Variants in RAB3GAP2 observed in about 807,000 individuals in gnomAD.
RAB3GAP2 encodes the protein rab3 GTPase-activating protein non-catalytic subunit.
In RAB3GAP2, 87 loss-of-function variants were observed where a neutral mutation model predicts 185.3. That is an observed-to-expected ratio of 0.47 (90% CI 0.39 to 0.56). The LOEUF (loss-of-function observed/expected upper bound fraction) is 0.56, where lower values mean the gene tolerates loss of function less well. Ranked by LOEUF, RAB3GAP2 falls within the 20% of genes least tolerant of loss-of-function variation. The pLI is 0.00. For missense variants in RAB3GAP2, 1,492 were observed against 1,638.2 expected (o/e 0.91, Z 1.54); for synonymous variants, 554 against 576.1 (o/e 0.96, Z 0.55).
At chr1:220,215,604 G>A (rs533879404) in intron 2 of RAB3GAP2, among the ~76,000 whole-genome samples, 4 of 152,002 alleles carry the variant, frequency 2.6e-5, no homozygotes, top group African/African-American at 9.6e-5. Context: ...TAATTGCTTT[G>A]TATACACTCT....
chr1:220,156,637 T>C (rs1479502463), intron 31 of RAB3GAP2, among the ~76,000 whole-genome samples: 2 of 152,158 alleles, frequency 1.3e-5, no homozygotes, highest in Admixed American at 1.3e-4. Flanking sequence ...AGGGCTGTTG[T>C]AATAGCCGAG....
At chr1:220,246,663 C>T (rs1187477311) in intron 1 of RAB3GAP2, among the ~76,000 whole-genome samples, 8 of 123,314 alleles carry the variant, frequency 6.5e-5, no homozygotes, top group African/African-American at 1.9e-4. Context: ...AGTAAACTAT[C>T]GCAAGAACAA....
At chr1:220,177,799 G>T (rs1238384582) in intron 21 of RAB3GAP2, among the ~76,000 whole-genome samples, 1 of 152,124 alleles carries the variant, frequency 6.6e-6, no homozygotes, top group Non-Finnish European at 1.5e-5. Flanking sequence ...AATGAACAAG[G>T]TCTATAGGAT....
At chr1:220,155,419 A>G (rs1204986416) in intron 31 of RAB3GAP2, among the ~76,000 whole-genome samples, 1 of 152,248 alleles carries the variant, frequency 6.6e-6, no homozygotes, top group Non-Finnish European at 1.5e-5. Context: ...AGGGCAACCC[A>G]TGACATTTTG....
chr1:220,211,069 T>G (rs1264364461), intron 4 of RAB3GAP2, 67 bp from the exon 5 acceptor site: 2 of 1,459,210 alleles, frequency 1.4e-6, no homozygotes, highest in Non-Finnish European at 1.9e-6. Flanking sequence ...TTCTCTATAA[T>G]TGGATGTTAA....
At position 220,246,111 on chromosome 1, in the gene RAB3GAP2, C is replaced by T. The variant is rs374089336; in HGVS notation, c.116-13248G>A. Among the ~76,000 whole-genome samples, 160 of 152,158 alleles carry T rather than the reference C, an allele frequency of 1.1e-3. No individual in the cohort carries two copies. In the East Asian group the frequency reaches 0.02, roughly 19 times the overall value. On this transcript the variant is annotated intron_variant, in intron 1 of 34. Coordinates refer to ENST00000358951, the MANE Select transcript of RAB3GAP2 (RefSeq NM_012414.4). ...ACAAACAACCCCATCAAAAAGTGGG[C>T]GAAGGACATGAACAGACACTTCTCA...
At chr1:220,185,397 A>T (rs1274767293) in intron 18 of RAB3GAP2, among the ~76,000 whole-genome samples, 1 of 152,176 alleles carries the variant, frequency 6.6e-6, no homozygotes, top group Admixed American at 6.6e-5. Context: ...ATAACCACTT[A>T]TCATTCTATC....
At chr1:220,218,212 T>A (rs943103858) in intron 2 of RAB3GAP2, among the ~76,000 whole-genome samples, 13 of 152,174 alleles carry the variant, frequency 8.5e-5, no homozygotes, top group Non-Finnish European at 1.9e-4. Context: ...AAATCTTCCA[T>A]CATTCTTTAC....
In RAB3GAP2 at chr1:220,149,149, G is replaced by T. The variant is rs149913096; in HGVS notation, c.*2102C>A. ...TATTTGCCTTTCTTCCTATCAATCA[G>T]ATTTATTTATTTTAAAAGCCCTTGA... On this transcript the variant is annotated 3_prime_UTR_variant, in exon 35 of 35. Transcript: ENST00000358951. The T allele has an allele frequency of 1.5e-3, 225 of 152,092 alleles. 2 individuals carry two copies. The highest frequency in any genetic ancestry group is 5.3e-3 in the African/African-American group (221 of 41,464). The allele number at this position is 152,092 out of a possible 1,614,324, so 9.4% of individuals were successfully genotyped here.
chr1:220,148,580 A>G lies in RAB3GAP2; in HGVS notation c.*2671T>C, dbSNP rs1657668624. ...TATTTGTTCCTTATAAATGAAGTGG[A>G]CCACAGCAACTTCTAAATGAACATT... On this transcript the variant is annotated 3_prime_UTR_variant, in exon 35 of 35. Transcript: ENST00000358951. 1.3e-5 allele frequency: 2 copies of G among 152,172 alleles called. No homozygotes were observed. The highest frequency in any genetic ancestry group is 2.9e-5 in the Non-Finnish European group (2 of 68,020). The allele number at this position is 152,172 out of a possible 1,614,324, so 9.4% of individuals were successfully genotyped here. A position where few individuals can be genotyped will look rare whatever the true frequency, so the allele number is the denominator to read the frequency against.
In RAB3GAP2 at chr1:220,264,501, T is replaced by A. The variant is rs967118068; in HGVS notation, c.115+7722A>T. Among the ~76,000 whole-genome samples the A allele has an allele frequency of 2.2e-4, 34 of 152,176 alleles. 1 individual carries two copies. In the South Asian group the frequency reaches 6.8e-3, roughly 31 times the overall value. ...GAAAGTAGGCACTTTCACAGGTACA[T>A]GTGGAAAATGATTTACTTAAAATCA... is the stretch of plus-strand genomic sequence containing the variant. On this transcript the variant is annotated intron_variant, in intron 1 of 34. Coordinates refer to ENST00000358951, the MANE Select transcript of RAB3GAP2 (RefSeq NM_012414.4).
At chr1:220,254,714 CTT>C (rs377000481) in intron 1 of RAB3GAP2, among the ~76,000 whole-genome samples, 2 of 143,516 alleles carry the variant, frequency 1.4e-5, no homozygotes, top group African/African-American at 2.5e-5. Flanking sequence ...TTTTTCTTTT[CTT>C]TTTTTTTTTC....
intron 1 of RAB3GAP2, among the ~76,000 whole-genome samples, chr1:220,235,255 G>GT (rs1659570746): frequency 6.6e-6 from 1 of 152,110 alleles, no homozygotes; most frequent in Admixed American, 6.5e-5. Context: ...AAATTAGCTT[G>GT]TTTTTTGGCG....
Position 220,195,130 on chromosome 1 carries a change from C to G in RAB3GAP2, c.1078G>C (p.Ala360Pro), listed in dbSNP as rs1469865620. The change falls in exon 12 of 35, where the codon GCT becomes CCT. Residue 360 changes from alanine (A) to proline (P), a missense_variant. Physicochemically the swap from Ala to Pro is conservative, Grantham distance 27. Transcript: ENST00000358951. ...ACCTTCGGCTTTTGCTTTTGGACAG[C>G]TTCTTCTTCGTGCTTACTTTTCCAA... The part of the protein sequence containing the change: ...LGWKSKHEEE[A>P]VQKQKPKVEP... 6.2e-7 allele frequency: 1 copy of G among 1,614,126 alleles called. No homozygotes were observed. The highest frequency in any genetic ancestry group is 8.5e-7 in the Non-Finnish European group (1 of 1,179,992).
Position 220,153,421 on chromosome 1 carries a change from A to C in RAB3GAP2, c.3646-15T>G, listed in dbSNP as rs1241868986. ...TTCAATAAGAACTTGAAAATGGAGAAAGAGATAGAGCAATGCATTGTTACT... is the reference window on the plus strand; with the variant it reads ...TTCAATAAGAACTTGAAAATGGAGACAGAGATAGAGCAATGCATTGTTACT... On this transcript the variant is annotated splice_polypyrimidine_tract_variant and intron_variant, in intron 32 of 34. Transcript: ENST00000358951. The C allele has an allele frequency of 1.1e-5, 18 of 1,604,474 alleles. No individual in the cohort carries two copies. Among genetic ancestry groups the C allele is most frequent in the Non-Finnish European group, 1.5e-5 (18 of 1,171,310 alleles).
intron 13 of RAB3GAP2, among the ~76,000 whole-genome samples, chr1:220,192,730 T>A (rs1658648837): frequency 6.6e-6 from 1 of 152,164 alleles, no homozygotes; most frequent in South Asian, 2.1e-4. Flanking sequence ...GAAGACTGGG[T>A]TCCTGAAGAT....
At chr1:220,189,814 G>C (rs1249070559) in intron 16 of RAB3GAP2, 47 bp from the exon 17 acceptor site, 4 of 1,348,132 alleles carry the variant, frequency 3.0e-6, no homozygotes, top group Admixed American at 2.3e-5. Context: ...TTTTATAACA[G>C]TGAAACATTA....
In RAB3GAP2 at chr1:220,191,085, A is replaced by C. The variant is rs563637725; in HGVS notation, c.1470T>G (p.Asn490Lys). 6.2e-6 allele frequency: 10 copies of C among 1,613,752 alleles called. No individual in the cohort carries two copies. Among genetic ancestry groups the C allele is most frequent in the South Asian group, 1.1e-5 (1 of 91,068 alleles). The change falls in exon 14 of 35, where the codon AAT (asparagine) becomes AAG (lysine). Residue 490 changes from asparagine (N) to lysine (K), a missense_variant. By Grantham distance (94) the Asn-to-Lys change is moderately conservative. Transcript: ENST00000358951. Reference protein sequence around the residue: ...TQQGPRVGAFNVGKHCRLLYP... With the variant: ...TQQGPRVGAFKVGKHCRLLYP... ...CAGCTTACCTGCAGTGCTTCCCCACATTGAAAGCTCCTACTCTAGGTCCCT... is the reference window on the plus strand; with the variant it reads ...CAGCTTACCTGCAGTGCTTCCCCACCTTGAAAGCTCCTACTCTAGGTCCCT...
At chr1:220,211,305 C>T in intron 4 of RAB3GAP2, 1 of 538,730 alleles carries the variant, frequency 1.9e-6, no homozygotes, top group Middle Eastern at 2.8e-4. Context: ...ACTGTATACA[C>T]AACTGAGCAA....
Sources: gnomAD v4.1 joint callset for allele counts (sites outside exome capture counted in the v4.1 genomes callset) on GRCh38, gnomAD v4.1.1 for gene constraint, MANE v1.5 for transcripts, NCBI Gene and HGNC (gene_info 2026-07-23, HGNC 2026-07-21) for gene names.